Variants in CLVS1 observed in about 807,000 individuals in gnomAD.
CLVS1 encodes clavesin 1, also known as clavesin-1.
A neutral mutation model predicts 33.1 loss-of-function variants in CLVS1; 10 were observed. The observed-to-expected ratio is 0.30, with a 90% confidence interval of 0.19 to 0.51. CLVS1 has a LOEUF of 0.51. Ranked by LOEUF, CLVS1 falls within the 20% of genes least tolerant of loss-of-function variation. The probability of loss-of-function intolerance (pLI) is 0.97; values close to 1 mark genes in which losing one functional copy is unlikely to be tolerated. For synonymous variants in CLVS1, 163 were observed against 166.1 expected (o/e 0.98, Z 0.14); for missense variants, 343 against 433.4 (o/e 0.79, Z 1.85).
intron 2 of CLVS1, among the ~76,000 whole-genome samples, chr8:61,312,884 T>C (rs532159149): frequency 6.6e-6 from 1 of 152,350 alleles, no homozygotes; most frequent in Admixed American, 6.5e-5. Flanking sequence ...TCACAATTTG[T>C]TGCAAAGTTC....
upstream of CLVS1, among the ~76,000 whole-genome samples, chr8:61,287,745 A>G (rs1409628177): frequency 2.6e-5 from 4 of 152,194 alleles, no homozygotes; most frequent in Admixed American, 6.5e-5. Context: ...ACACACACAG[A>G]CACACACATC....
At chr8:60,978,809 CA>C in the CLVS1 span, among the ~76,000 whole-genome samples, 86 of 22,522 alleles carry the variant, frequency 3.8e-3, no homozygotes, top group African/African-American at 0.01. Flanking sequence ...GACTCCATCT[CA>C]AAAAAAAAAA....
At chr8:61,126,878 A>G (rs546596987) in intron 1 of CLVS1, among the ~76,000 whole-genome samples, 17 of 152,318 alleles carry the variant, frequency 1.1e-4, no homozygotes, top group Non-Finnish European at 2.1e-4. Flanking sequence ...AAAAGAGAAA[A>G]AATGGTATTC....
intron 3 of CLVS1, among the ~76,000 whole-genome samples, chr8:61,388,466 G>C (rs1814172136): frequency 6.6e-6 from 1 of 151,516 alleles, no homozygotes; most frequent in Non-Finnish European, 1.5e-5. Flanking sequence ...AATTATTCTT[G>C]AAAATTTTGA....
At position 61,420,964 on chromosome 8, in the gene CLVS1, T is replaced by C. The variant is rs200852079; in HGVS notation, c.631-33177T>C. Among the ~76,000 whole-genome samples, 3 of 152,082 alleles carry C rather than the reference T, an allele frequency of 2.0e-5. No homozygotes were observed. The East Asian group carries it at 5.8e-4, about 29-fold the overall frequency. On this transcript the variant is annotated intron_variant, in intron 3 of 5. Transcript: ENST00000325897. ...CCAGCCTGGGCAACAAGAATGAAAG[T>C]CCATCTCAAAAACAAACAAAGAAAC... is the stretch of plus-strand genomic sequence containing the variant.
At chr8:61,325,119 G>A (rs992114790) in intron 2 of CLVS1, among the ~76,000 whole-genome samples, 1 of 151,952 alleles carries the variant, frequency 6.6e-6, no homozygotes, top group Non-Finnish European at 1.5e-5. Context: ...ATTCTCCTTG[G>A]CAATTTGTTC....
chr8:61,071,488 CTT>C (rs1317599384), intron 1 of CLVS1, among the ~76,000 whole-genome samples: 1 of 152,298 alleles, frequency 6.6e-6, no homozygotes, highest in African/African-American at 2.4e-5. Flanking sequence ...TGGCCTCTCT[CTT>C]ATAAGGACAT....
At chr8:61,073,469 T>A (rs1314871922) in intron 1 of CLVS1, among the ~76,000 whole-genome samples, 5 of 152,218 alleles carry the variant, frequency 3.3e-5, no homozygotes, top group African/African-American at 1.2e-4. Flanking sequence ...CAAATGAGAC[T>A]TGTCTCTTCG....
chr8:61,007,459 A>G, the CLVS1 span, among the ~76,000 whole-genome samples: 9 of 152,334 alleles, frequency 5.9e-5, no homozygotes, highest in Middle Eastern at 3.4e-3. Context: ...CACTAAAGTC[A>G]CTATCGTTAG....
rs571863426 is a variant in CLVS1 at position 61,471,230 on chromosome 8, AGAGCT to A, written c.977+12689_977+12693del. On this transcript the variant is annotated intron_variant, in intron 5 of 5. Transcript: ENST00000325897. ...CTACAGAGTGGATGTAACATGTGCAAGAGCTCCCGGCTTGCTGTTAGGGTCAGAAG... is the reference window on the plus strand; with the variant it reads ...CTACAGAGTGGATGTAACATGTGCAACCCGGCTTGCTGTTAGGGTCAGAAG... Among the ~76,000 whole-genome samples the A allele has an allele frequency of 2.3e-4, 35 of 152,332 alleles. No homozygotes were observed. The South Asian group carries it at 7.1e-3, about 31-fold the overall frequency.
intron 2 of CLVS1, among the ~76,000 whole-genome samples, chr8:61,156,231 A>AG (rs1379204737): frequency 2.9e-4 from 43 of 150,496 alleles, no homozygotes; most frequent in Non-Finnish European, 3.7e-4. Flanking sequence ...AAAAAAAAAA[A>AG]AAAGCCTTTG....
chr8:61,140,505 C>A (rs1806288395), intron 2 of CLVS1, among the ~76,000 whole-genome samples: 1 of 152,000 alleles, frequency 6.6e-6, no homozygotes, highest in Admixed American at 6.6e-5. Flanking sequence ...AGTTGGAGAA[C>A]CCAAAGCATA....
chr8:61,405,507 C>G (rs1814951113), intron 3 of CLVS1, among the ~76,000 whole-genome samples: 1 of 152,144 alleles, frequency 6.6e-6, no homozygotes, highest in Non-Finnish European at 1.5e-5. Flanking sequence ...GGTGCAGCAG[C>G]TCACACCTGT....
At chr8:61,136,768 T>C (rs1019591899) in intron 2 of CLVS1, among the ~76,000 whole-genome samples, 1 of 152,168 alleles carries the variant, frequency 6.6e-6, no homozygotes, top group African/African-American at 2.4e-5. Context: ...TGGAATAATC[T>C]GTACAGCAAA....
chr8:61,171,944 A>C (rs1344710448), intron 2 of CLVS1, among the ~76,000 whole-genome samples: 1 of 152,122 alleles, frequency 6.6e-6, no homozygotes, highest in Non-Finnish European at 1.5e-5. Context: ...TCTGAGCTGG[A>C]CTCAGGGTTG....
chr8:61,233,971 A>G (rs2129312708), intron 2 of CLVS1, among the ~76,000 whole-genome samples: 1 of 152,266 alleles, frequency 6.6e-6, no homozygotes, highest in Non-Finnish European at 1.5e-5. Context: ...TTTGGTGAGG[A>G]GTCCCTCAAA....
chr8:61,167,166 C>T (rs1280607582), intron 2 of CLVS1, among the ~76,000 whole-genome samples: 1 of 150,184 alleles, frequency 6.7e-6, no homozygotes, highest in African/African-American at 2.4e-5. Context: ...TCCTTTTTAC[C>T]TTCAATCTTC....
chr8:60,969,312 G>T, the CLVS1 span, among the ~76,000 whole-genome samples: 1 of 152,204 alleles, frequency 6.6e-6, no homozygotes. Context: ...GCCACTGCTT[G>T]TTTGGCTGCC....
At chr8:61,393,364 G>A (rs1399294124) in intron 3 of CLVS1, among the ~76,000 whole-genome samples, 1 of 151,856 alleles carries the variant, frequency 6.6e-6, no homozygotes, top group Non-Finnish European at 1.5e-5. Flanking sequence ...GTACCTTCTT[G>A]AGTAGCTTAA....
Sources: gnomAD v4.1 joint callset for allele counts (sites outside exome capture counted in the v4.1 genomes callset) on GRCh38, gnomAD v4.1.1 for gene constraint, MANE v1.5 for transcripts, NCBI Gene and HGNC (gene_info 2026-07-23, HGNC 2026-07-21) for gene names.